Variants in NSMCE4A observed in about 807,000 individuals in gnomAD.
NSMCE4A encodes the protein NSE4A component of SMC5/6 complex.
NSMCE4A carries 40 observed loss-of-function variants against 47.9 expected under a neutral mutation model. The ratio of observed to expected loss-of-function variants is 0.83; its 90% CI spans 0.65 to 1.09. The LOEUF (loss-of-function observed/expected upper bound fraction) is 1.09. NSMCE4A is among the 50% of genes least tolerant of loss of function. The probability of loss-of-function intolerance (pLI) is 0.00; values close to 1 mark genes in which losing one functional copy is unlikely to be tolerated. For missense variants in NSMCE4A, 500 were observed against 507.0 expected (o/e 0.99, Z 0.13); for synonymous variants, 166 against 178.5 (o/e 0.93, Z 0.56).
chr10:121,959,710 A>T (rs1952463967), intron 8 of NSMCE4A, 115 bp from the exon 9 acceptor site: 1 of 684,780 alleles, frequency 1.5e-6, no homozygotes, highest in African/African-American at 1.8e-5. Flanking sequence ...GATACTTATA[A>T]TATTACATAC....
chr10:121,965,706 T>C (rs1952594122), intron 4 of NSMCE4A: 2 of 237,496 alleles, frequency 8.4e-6, no homozygotes. Context: ...AAAGCCAACT[T>C]CTAAGAGCAG....
chr10:121,959,325 T>C lies in NSMCE4A; in HGVS notation c.*11A>G, dbSNP rs1456157470. ...TAGCCATCCCATTGAAAAGGTTACC[T>C]TCAGCTAGCATCAAGCACTTGGCTT... On this transcript the variant is annotated splice_region_variant and 3_prime_UTR_variant, in exon 10 of 11. Coordinates refer to ENST00000369023, the MANE Select transcript of NSMCE4A (RefSeq NM_017615.3). 1 of 1,613,278 alleles carries C rather than the reference T, an allele frequency of 6.2e-7. No individual in the cohort carries two copies. Among genetic ancestry groups the C allele is most frequent in the Non-Finnish European group, 8.5e-7 (1 of 1,179,226 alleles).
chr10:121,968,721 CAAT>C (rs1410038235), intron 3 of NSMCE4A, among the ~76,000 whole-genome samples: 1 of 152,084 alleles, frequency 6.6e-6, no homozygotes, highest in East Asian at 1.9e-4. Flanking sequence ...CATATATAAA[CAAT>C]AATCACAAAA....
intron 2 of NSMCE4A, 143 bp from the exon 3 acceptor site, chr10:121,971,212 T>A: frequency 1.3e-6 from 1 of 766,966 alleles, no homozygotes; most frequent in Non-Finnish European, 2.0e-6. Flanking sequence ...ACACATCTCC[T>A]TCTAAAACGT....
intron 10 of NSMCE4A, among the ~76,000 whole-genome samples, chr10:121,957,677 G>A (rs117109170): frequency 0.024 from 3,591 of 151,714 alleles, 58 homozygotes; most frequent in Non-Finnish European, 0.039. Flanking sequence ...GTCGTGGTCC[G>A]CCTGCCTCGC....
At chr10:121,970,014 C>T (rs1162417559) in intron 3 of NSMCE4A, among the ~76,000 whole-genome samples, 1 of 152,098 alleles carries the variant, frequency 6.6e-6, no homozygotes, top group Non-Finnish European at 1.5e-5. Context: ...CTGCCCCCAG[C>T]CAGAATAGAA....
chr10:121,968,028 A>ACC (rs1952639886), intron 3 of NSMCE4A, among the ~76,000 whole-genome samples: 1 of 152,222 alleles, frequency 6.6e-6, no homozygotes, highest in East Asian at 1.9e-4. Context: ...CAATGTACTT[A>ACC]AAACCTTTGG....
At chr10:121,974,424 C>T (rs1486784832) in intron 1 of NSMCE4A, 13 of 1,029,578 alleles carry the variant, frequency 1.3e-5, no homozygotes, top group Non-Finnish European at 1.4e-5. Flanking sequence ...GTTGCGCGGA[C>T]CCACCCAGAG....
intron 6 of NSMCE4A, 100 bp from the exon 7 acceptor site, chr10:121,961,617 C>T: frequency 1.4e-6 from 1 of 695,112 alleles, no homozygotes; most frequent in Non-Finnish European, 2.3e-6. Flanking sequence ...GTACTCATTC[C>T]TGCTGCAGGA....
chr10:121,974,272 T>A lies in NSMCE4A; in HGVS notation c.293-191A>T, dbSNP rs554148952. 18 of 1,406,296 alleles carry A rather than the reference T, an allele frequency of 1.3e-5. No individual in the cohort carries two copies. In the South Asian group the frequency reaches 2.7e-4, roughly 21 times the overall value. The allele number at this position is 1,406,296 out of a possible 1,614,324, so 87.1% of individuals were successfully genotyped here. The stretch of plus-strand genomic sequence containing the variant: ...AGGCCACCCTACCCTTTATGCAGCA[T>A]GAATTTTAAAAGGAAACCCTAGCTC... On this transcript the variant is annotated intron_variant, in intron 1 of 10. Transcript: ENST00000369023.
intron 4 of NSMCE4A, chr10:121,966,718 G>A (rs1248915643): frequency 7.2e-6 from 1 of 139,638 alleles, no homozygotes. Context: ...AAGAAGGACT[G>A]AACAACTCAG....
rs186232809 is a variant in NSMCE4A at position 121,958,907 on chromosome 10, C to T, written c.*12+417G>A. The stretch of plus-strand genomic sequence containing the variant: ...CTCAGCCACTGCAACCTCCACCTCC[C>T]GGGTTCAAGCAATTCTCCTGCCTCA... On this transcript the variant is annotated intron_variant, in intron 10 of 10. Transcript: ENST00000369023. Among the ~76,000 whole-genome samples the T allele has an allele frequency of 2.9e-3, 439 of 152,122 alleles. 4 individuals carry two copies. Among genetic ancestry groups the T allele is most frequent in the African/African-American group, 8.1e-3 (337 of 41,542 alleles).
Position 121,960,237 on chromosome 10 carries a change from G to T in NSMCE4A, c.988+121C>A. On this transcript the variant is annotated intron_variant, in intron 8 of 10. Transcript: ENST00000369023. This position sits in a 1 kb window ranked among gnomAD's most constrained non-coding sequence, Gnocchi z 4.2. Reference sequence around the variant, plus strand: ...TCAGTATCTTCAGGTAGTTGAGCAAGATACAATATTGTAAAAGTTAATCTA... The same window carrying T: ...TCAGTATCTTCAGGTAGTTGAGCAATATACAATATTGTAAAAGTTAATCTA... 1 of 650,684 alleles carries T rather than the reference G, an allele frequency of 1.5e-6. No homozygotes were observed. 40.3% of individuals were successfully genotyped at this position (650,684 alleles called of 1,614,324 possible). A position where few individuals can be genotyped will look rare whatever the true frequency, so the allele number is the denominator to read the frequency against.
intron 10 of NSMCE4A, among the ~76,000 whole-genome samples, chr10:121,958,387 TA>T (rs1952438202): frequency 6.6e-6 from 1 of 150,982 alleles, no homozygotes; most frequent in African/African-American, 2.4e-5. Flanking sequence ...AGATCATTAT[TA>T]AGATTTCTTT....
intron 3 of NSMCE4A, among the ~76,000 whole-genome samples, chr10:121,968,592 C>G (rs1952649196): frequency 6.6e-6 from 1 of 152,122 alleles, no homozygotes; most frequent in Non-Finnish European, 1.5e-5. Context: ...TCAAATAATT[C>G]TCTCATCTCA....
chr10:121,974,941 C>T lies in NSMCE4A; in HGVS notation c.225G>A (p.Ala75=). The T allele has an allele frequency of 6.5e-7, 1 of 1,533,560 alleles. No homozygotes were observed. The highest frequency in any genetic ancestry group is 8.8e-7 in the Non-Finnish European group (1 of 1,142,588). 95.0% of individuals were successfully genotyped at this position (1,533,560 alleles called of 1,614,324 possible). A position where few individuals can be genotyped will look rare whatever the true frequency, so the allele number is the denominator to read the frequency against. ...DEMMDPASLE[A]EADQGLCRQI... ...GGCGGCACAGGCCTTGGTCGGCCTC[C>T]GCCTCCAAGCTGGCCGGGTCCATCA... The change falls in exon 1 of 11, where the codon GCG becomes GCA. Residue 75 remains alanine, a synonymous_variant. Transcript: ENST00000369023.
In NSMCE4A at chr10:121,975,063, A is replaced by G; in HGVS notation, c.103T>C (p.Ser35Pro). The change falls in exon 1 of 11, where the codon TCG (serine) becomes CCG (proline). Residue 35 changes from serine (S) to proline (P), a missense_variant. By Grantham distance (74) the Ser-to-Pro change is moderately conservative (BLOSUM62 -1). Transcript: ENST00000369023. Reference sequence around the variant, plus strand: ...GCAGAGCCGCGGCGGGACCTGGGCGACAAAGGGGACCGCGAGCGGGAGCGG... The same window carrying G: ...GCAGAGCCGCGGCGGGACCTGGGCGGCAAAGGGGACCGCGAGCGGGAGCGG... ...RSRSRSRSPL[S>P]PRSRRGSARE... 1 of 1,454,204 alleles carries G rather than the reference A, an allele frequency of 6.9e-7. No individual in the cohort carries two copies. Among genetic ancestry groups the G allele is most frequent in the Middle Eastern group, 2.1e-4 (1 of 4,702 alleles). The allele number at this position is 1,454,204 out of a possible 1,614,324, so 90.1% of individuals were successfully genotyped here. A position where few individuals can be genotyped will look rare whatever the true frequency, so the allele number is the denominator to read the frequency against.
At position 121,967,726 on chromosome 10, in the gene NSMCE4A, G is replaced by A. The variant is rs1259622490; in HGVS notation, c.582C>T (p.Val194=). The change falls in exon 4 of 11, where the codon GTC becomes GTT. Residue 194 remains valine, a synonymous_variant. Coordinates refer to ENST00000369023, the MANE Select transcript of NSMCE4A (RefSeq NM_017615.3). ...TGCCTGTTATCTTCCAGGAGTCATA[G>A]ACTATGAATTCAAAATCAGGACTAT... ...DEDSPDFEFI[V]YDSWKITGRT... is the part of the protein sequence containing the mutation. 1.2e-6 allele frequency: 2 copies of A among 1,613,972 alleles called. No homozygotes were observed. Among genetic ancestry groups the A allele is most frequent in the African/African-American group, 1.3e-5 (1 of 74,940 alleles).
intron 4 of NSMCE4A, chr10:121,966,047 C>G (rs1952600838): frequency 6.6e-6 from 1 of 152,146 alleles, no homozygotes; most frequent in Non-Finnish European, 1.5e-5. Flanking sequence ...ACATGGTGGG[C>G]TACTCTGGGA....
Sources: gnomAD v4.1 joint callset for allele counts (sites outside exome capture counted in the v4.1 genomes callset) on GRCh38, gnomAD v4.1.1 for gene constraint, Gnocchi (gnomAD v3.1) non-coding constraint, MANE v1.5 for transcripts, NCBI Gene and HGNC (gene_info 2026-07-23, HGNC 2026-07-21) for gene names.